The following AP2B1 variants were observed in gnomAD, a reference collection of about 807,000 sequenced individuals.
AP2B1 encodes the protein AP-2 complex subunit beta.
A neutral mutation model predicts 102.0 loss-of-function variants in AP2B1; 23 were observed. That is an observed-to-expected ratio of 0.23 (90% CI 0.16 to 0.32). The LOEUF is 0.32. Ranked by LOEUF, AP2B1 falls within the 10% of genes least tolerant of loss-of-function variation. The pLI is 1.00. For synonymous variants in AP2B1, 381 were observed against 421.2 expected, an observed-to-expected ratio of 0.90 and a Z score of 1.17; for missense variants, 541 against 1,157.4, an observed-to-expected ratio of 0.47 and a Z score of 7.73.
At chr17:35,676,380 A>G (rs2075702071) in intron 17 of AP2B1, among the ~76,000 whole-genome samples, 1 of 152,208 alleles carries the variant, frequency 6.6e-6, no homozygotes, top group South Asian at 2.1e-4. Context: ...ATGAAATTAC[A>G]TAATATGGAA....
At chr17:35,616,089 A>C (rs1174488211) in intron 5 of AP2B1, among the ~76,000 whole-genome samples, 1 of 149,764 alleles carries the variant, frequency 6.7e-6, no homozygotes, top group East Asian at 1.9e-4. Flanking sequence ...TCACTTTTAA[A>C]AAATCATTAC....
intron 18 of AP2B1, among the ~76,000 whole-genome samples, chr17:35,707,224 G>A (rs1372883155): frequency 1.3e-5 from 2 of 151,796 alleles, no homozygotes; most frequent in African/African-American, 2.4e-5. Context: ...CACGATTTCG[G>A]CTCACTGCAG....
At chr17:35,648,743 A>AGTGTGTGTGTGTGT (rs10668040) in intron 12 of AP2B1, among the ~76,000 whole-genome samples, 317 of 148,688 alleles carry the variant, frequency 2.1e-3, no homozygotes, top group East Asian at 5.4e-3. Context: ...ATATGAAATA[A>AGTGTGTGTGTGTGT]GTGTGTGTGT....
At chr17:35,672,326 A>G (rs2075606221) in intron 16 of AP2B1, among the ~76,000 whole-genome samples, 1 of 152,132 alleles carries the variant, frequency 6.6e-6, no homozygotes, top group South Asian at 2.1e-4. Context: ...CATGGATTTT[A>G]GTGTACCTTT....
chr17:35,685,987 T>C (rs1409172359), intron 18 of AP2B1, among the ~76,000 whole-genome samples: 5 of 152,182 alleles, frequency 3.3e-5, no homozygotes, highest in Non-Finnish European at 7.3e-5. Context: ...GGTTTCGAAC[T>C]CCTGACCTCA....
At chr17:35,690,640 C>G (rs1306134241) in intron 18 of AP2B1, among the ~76,000 whole-genome samples, 2 of 152,210 alleles carry the variant, frequency 1.3e-5, no homozygotes, top group Non-Finnish European at 2.9e-5. Flanking sequence ...CTCTCCTCCT[C>G]TCCCCACCAT....
intron 13 of AP2B1, among the ~76,000 whole-genome samples, chr17:35,657,258 C>T (rs1420125753): frequency 1.3e-5 from 2 of 152,168 alleles, no homozygotes; most frequent in African/African-American, 4.8e-5. Context: ...GTGAGCCATT[C>T]AGGGCAGGAA....
At chr17:35,633,900 A>G (rs527643381) in intron 9 of AP2B1, among the ~76,000 whole-genome samples, 1 of 152,296 alleles carries the variant, frequency 6.6e-6, no homozygotes, top group African/African-American at 2.4e-5. Flanking sequence ...TAATACTAGC[A>G]CTTTGGGAGG....
chr17:35,724,003 G>C lies in AP2B1; in HGVS notation c.*304G>C. 1 of 300,882 alleles carries C rather than the reference G, an allele frequency of 3.3e-6. No homozygotes were observed. Among genetic ancestry groups the C allele is most frequent in the South Asian group, 1.3e-4 (1 of 7,630 alleles). The allele number at this position is 300,882 out of a possible 1,614,324, so 18.6% of individuals were successfully genotyped here. ...TGGCTTTTTCTACACCCTCTTTTGA[G>C]TGTAGTTTGGTATTTTGTAATTGAG... On this transcript the variant is annotated 3_prime_UTR_variant, in exon 22 of 22. Transcript: ENST00000610402.
intron 1 of AP2B1, among the ~76,000 whole-genome samples, chr17:35,589,585 A>G (rs1002262615): frequency 1.3e-5 from 2 of 152,186 alleles, no homozygotes; most frequent in African/African-American, 2.4e-5. Context: ...AAATCTGGAT[A>G]TATAGTCCTG....
At chr17:35,660,729 G>A (rs766465710) in intron 14 of AP2B1, among the ~76,000 whole-genome samples, 3 of 151,874 alleles carry the variant, frequency 2.0e-5, no homozygotes, top group Non-Finnish European at 4.4e-5. Context: ...GGTGATCCAC[G>A]TCCCTCAGCC....
intron 18 of AP2B1, among the ~76,000 whole-genome samples, chr17:35,693,293 A>T (rs1420859266): frequency 6.6e-6 from 1 of 152,160 alleles, no homozygotes; most frequent in African/African-American, 2.4e-5. Flanking sequence ...GAGTGCTGGA[A>T]TTACAGGCGT....
intron 7 of AP2B1, 101 bp from the exon 8 acceptor site, chr17:35,627,284 A>C: frequency 3.2e-5 from 9 of 280,934 alleles, no homozygotes; most frequent in Non-Finnish European, 4.8e-5. Flanking sequence ...GAGTGGAGCG[A>C]GAGGAGAGCA....
intron 4 of AP2B1, among the ~76,000 whole-genome samples, chr17:35,606,459 C>T (rs181832259): frequency 2.2e-3 from 342 of 152,112 alleles, no homozygotes; most frequent in Non-Finnish European, 3.5e-3. Flanking sequence ...AGGCTGATCT[C>T]GTGCTCCTAA....
chr17:35,595,814 C>G (rs2073251937), intron 2 of AP2B1, among the ~76,000 whole-genome samples: 1 of 152,086 alleles, frequency 6.6e-6, no homozygotes, highest in Non-Finnish European at 1.5e-5. Flanking sequence ...TCAGCTTTTT[C>G]TGATTTTCTT....
At chr17:35,704,574 G>C (rs890624396) in intron 18 of AP2B1, among the ~76,000 whole-genome samples, 1 of 152,150 alleles carries the variant, frequency 6.6e-6, no homozygotes, top group African/African-American at 2.4e-5. Context: ...TAGGTGAGCC[G>C]GAAGTAAGCC....
intron 16 of AP2B1, among the ~76,000 whole-genome samples, chr17:35,672,436 G>A (rs1267931301): frequency 6.6e-6 from 1 of 152,166 alleles, no homozygotes. Context: ...GGAAACTCCC[G>A]GTTAATGAAG....
At chr17:35,631,210 CAGG>C (rs1261754726) in intron 9 of AP2B1, among the ~76,000 whole-genome samples, 1 of 152,030 alleles carries the variant, frequency 6.6e-6, no homozygotes, top group Non-Finnish European at 1.5e-5. Flanking sequence ...AGGTTAAGAC[CAGG>C]AGTTCTTCAC....
intron 9 of AP2B1, 46 bp from the exon 10 acceptor site, chr17:35,636,295 T>C (rs1346777088): frequency 2.2e-6 from 3 of 1,374,644 alleles, no homozygotes; most frequent in Middle Eastern, 2.1e-4. Context: ...GGTGGTGTTA[T>C]CGCATAGATC....
Sources: allele counts gnomAD v4.1 joint callset (sites outside exome capture counted in the v4.1 genomes callset), GRCh38; gene constraint gnomAD v4.1.1; transcripts MANE v1.5; gene names NCBI Gene and HGNC (gene_info 2026-07-23, HGNC 2026-07-21).